The following STARD13 variants were observed in gnomAD, a reference collection of about 807,000 sequenced individuals.
STARD13 encodes the protein stAR-related lipid transfer protein 13.
A neutral mutation model predicts 106.4 loss-of-function variants in STARD13; 62 were observed. The ratio of observed to expected loss-of-function variants is 0.58; its 90% CI spans 0.48 to 0.72. The LOEUF (loss-of-function observed/expected upper bound fraction) is 0.72, where lower values mean the gene tolerates loss of function less well. Ranked by LOEUF, STARD13 falls within the 30% of genes least tolerant of loss-of-function variation. The pLI is 0.00. For missense variants in STARD13, 1,387 were observed against 1,424.0 expected, an observed-to-expected ratio of 0.97 and a Z score of 0.42; for synonymous variants, 565 against 553.0, an observed-to-expected ratio of 1.02 and a Z score of -0.31.
At chr13:33,447,346 A>T in the STARD13 span, among the ~76,000 whole-genome samples, 51 of 152,322 alleles carry the variant, frequency 3.3e-4, no homozygotes, top group South Asian at 0.01. Flanking sequence ...CTGCTGCAAC[A>T]CCTAGACAGG....
the STARD13 span, among the ~76,000 whole-genome samples, chr13:33,443,209 C>T: frequency 1.6e-3 from 241 of 152,000 alleles, 2 homozygotes; most frequent in African/African-American, 5.5e-3. Context: ...AGACCCGTCT[C>T]TACTAAAAAT....
At chr13:33,115,789 C>T (rs1033958343) in intron 8 of STARD13, among the ~76,000 whole-genome samples, 1 of 152,130 alleles carries the variant, frequency 6.6e-6, no homozygotes, top group African/African-American at 2.4e-5. Context: ...CAAAGAGAAG[C>T]GTGGTCACTC....
At chr13:33,123,074 A>AAAAAAG (rs1876605558) in intron 7 of STARD13, among the ~76,000 whole-genome samples, 1 of 150,790 alleles carries the variant, frequency 6.6e-6, no homozygotes, top group Non-Finnish European at 1.5e-5. Context: ...AAAAAAAAAA[A>AAAAAAG]AAAAAGCAAG....
At chr13:33,416,436 C>T in the STARD13 span, among the ~76,000 whole-genome samples, 1 of 152,040 alleles carries the variant, frequency 6.6e-6, no homozygotes, top group Non-Finnish European at 1.5e-5. Context: ...TGCAGAATAA[C>T]AAGGAAGTAT....
At chr13:33,350,237 G>T (rs2078061558) in intron 1 of STARD13, 4 of 1,486,886 alleles carry the variant, frequency 2.7e-6, no homozygotes, top group African/African-American at 1.4e-5. Flanking sequence ...GGCGGGCTAC[G>T]GGGCCGGCGC....
chr13:33,596,186 A>G, the STARD13 span, among the ~76,000 whole-genome samples: 2 of 152,178 alleles, frequency 1.3e-5, no homozygotes, highest in Non-Finnish European at 2.9e-5. Flanking sequence ...TTGAAAAATT[A>G]TATTTGTTTC....
intron 1 of STARD13, among the ~76,000 whole-genome samples, chr13:33,230,967 A>C (rs1270858536): frequency 6.6e-6 from 1 of 152,252 alleles, no homozygotes; most frequent in African/African-American, 2.4e-5. Flanking sequence ...CATATAAAGA[A>C]GAGAGAAAAT....
At chr13:33,451,127 A>G in the STARD13 span, among the ~76,000 whole-genome samples, 1 of 151,904 alleles carries the variant, frequency 6.6e-6, no homozygotes, top group South Asian at 2.1e-4. Flanking sequence ...CAATCCTTCC[A>G]CCTCTATCTC....
intron 1 of STARD13, among the ~76,000 whole-genome samples, chr13:33,332,813 A>G (rs2077852223): frequency 6.6e-6 from 1 of 152,196 alleles, no homozygotes; most frequent in Non-Finnish European, 1.5e-5. Context: ...CCACTTGAAT[A>G]GAAGCTCAGT....
At chr13:33,466,550 A>G in the STARD13 span, among the ~76,000 whole-genome samples, 1 of 152,206 alleles carries the variant, frequency 6.6e-6, no homozygotes, top group Non-Finnish European at 1.5e-5. Flanking sequence ...AAGCTCCTAG[A>G]CAGTAATTAG....
At chr13:33,174,311 A>C (rs1566048798) in intron 1 of STARD13, among the ~76,000 whole-genome samples, 1 of 151,198 alleles carries the variant, frequency 6.6e-6, no homozygotes, top group Non-Finnish European at 1.5e-5. Flanking sequence ...ACACTTATGC[A>C]TTTTTTTTTC....
At chr13:33,318,565 T>C (rs1893430703) in intron 1 of STARD13, among the ~76,000 whole-genome samples, 1 of 152,052 alleles carries the variant, frequency 6.6e-6, no homozygotes, top group Admixed American at 6.6e-5. Flanking sequence ...GAAAAATAGA[T>C]TAATTGGAAT....
intron 1 of STARD13, among the ~76,000 whole-genome samples, chr13:33,247,304 C>T (rs1889874924): frequency 6.6e-6 from 1 of 151,998 alleles, no homozygotes; most frequent in South Asian, 2.1e-4. Context: ...GCCAAGATAC[C>T]AGGCGGCAGA....
the STARD13 span, among the ~76,000 whole-genome samples, chr13:33,451,666 A>C: frequency 1.3e-5 from 2 of 152,200 alleles, no homozygotes; most frequent in African/African-American, 2.4e-5. Flanking sequence ...GTGGAATATC[A>C]ATGATGTTTT....
chr13:33,595,791 A>G, the STARD13 span, among the ~76,000 whole-genome samples: 1 of 152,168 alleles, frequency 6.6e-6, no homozygotes, highest in Non-Finnish European at 1.5e-5. Flanking sequence ...CTAGGTTTTA[A>G]ATCTTGTGAT....
chr13:33,579,810 A>G, the STARD13 span, among the ~76,000 whole-genome samples: 1 of 152,038 alleles, frequency 6.6e-6, no homozygotes, highest in Non-Finnish European at 1.5e-5. Flanking sequence ...CAATAAATAC[A>G]TGAGAAATTG....
At chr13:33,573,532 T>A in the STARD13 span, among the ~76,000 whole-genome samples, 1 of 152,168 alleles carries the variant, frequency 6.6e-6, no homozygotes, top group African/African-American at 2.4e-5. Flanking sequence ...CTCAAAAGCT[T>A]ACACTTGGGT....
the STARD13 span, among the ~76,000 whole-genome samples, chr13:33,582,087 T>C: frequency 6.6e-5 from 10 of 152,036 alleles, no homozygotes; most frequent in African/African-American, 2.4e-4. Flanking sequence ...CTGGGCGTGG[T>C]GGTGGGTGCC....
chr13:33,406,233 A>G, the STARD13 span, among the ~76,000 whole-genome samples: 1 of 152,256 alleles, frequency 6.6e-6, no homozygotes, highest in Non-Finnish European at 1.5e-5. Flanking sequence ...GATTTAATAC[A>G]TAGAAACATG....
Sources: allele counts gnomAD v4.1 joint callset (sites outside exome capture counted in the v4.1 genomes callset), GRCh38; gene constraint gnomAD v4.1.1; transcripts MANE v1.5; gene names NCBI Gene and HGNC (gene_info 2026-07-23, HGNC 2026-07-21).